Variants in CNTN5 observed in about 807,000 individuals in gnomAD.
CNTN5 encodes the protein contactin 5, also known as contactin-5.
Under a neutral mutation model 129.1 loss-of-function variants are expected in CNTN5, and 77 were observed. The observed-to-expected ratio is 0.60, with a 90% CI of 0.50 to 0.72. CNTN5 has a LOEUF of 0.72. Among genes scored for constraint, CNTN5 ranks in the 30% least tolerant of loss-of-function variants. The probability of loss-of-function intolerance (pLI) is 0.00; values close to 1 mark genes in which losing one functional copy is unlikely to be tolerated. For missense variants in CNTN5, 1,478 were observed against 1,328.8 expected (o/e 1.11, Z -1.75); for synonymous variants, 509 against 465.6 (o/e 1.09, Z -1.20).
At chr11:99,072,602 C>A in intron 1 of CNTN5, among the ~76,000 whole-genome samples, 1 of 152,124 alleles carries the variant, frequency 6.6e-6, no homozygotes, top group East Asian at 1.9e-4. Flanking sequence ...AATTTGAGTT[C>A]TTCCTCACCT....
At chr11:99,597,474 G>A (rs929038366) in intron 3 of CNTN5, among the ~76,000 whole-genome samples, 6 of 151,192 alleles carry the variant, frequency 4.0e-5, no homozygotes, top group African/African-American at 1.5e-4. Flanking sequence ...GTAGTGAGGG[G>A]AGCTTGGAAG....
intron 3 of CNTN5, among the ~76,000 whole-genome samples, chr11:99,641,408 AATC>A (rs1297422319): frequency 2.1e-5 from 2 of 93,434 alleles, no homozygotes; most frequent in Non-Finnish European, 5.4e-5. Context: ...AATTGGTTCC[AATC>A]CTCCTCCCGG....
At chr11:100,006,262 G>A (rs1222664439) in intron 9 of CNTN5, among the ~76,000 whole-genome samples, 1 of 152,066 alleles carries the variant, frequency 6.6e-6, no homozygotes, top group Non-Finnish European at 1.5e-5. Context: ...TGATAAGGGT[G>A]GTGGCTGCTA....
chr11:99,114,140 G>A (rs1013187676), intron 1 of CNTN5, among the ~76,000 whole-genome samples: 1 of 152,106 alleles, frequency 6.6e-6, no homozygotes, highest in African/African-American at 2.4e-5. Flanking sequence ...GAATTACATA[G>A]AGTATCTTCA....
rs1291988868 is a variant in CNTN5 at position 99,186,722 on chromosome 11, G to C, written c.-209-138624G>C. On this transcript the variant is annotated intron_variant, in intron 1 of 24. Coordinates refer to ENST00000524871, the MANE Select transcript of CNTN5 (RefSeq NM_014361.4). ...GGACAGATTCTTTTCTTAGAAAAGTGACCACTTTCTCAATCTGTAAAATAA... is the reference window on the plus strand; with the variant it reads ...GGACAGATTCTTTTCTTAGAAAAGTCACCACTTTCTCAATCTGTAAAATAA... Among the ~76,000 whole-genome samples, 5 of 151,906 alleles carry C rather than the reference G, an allele frequency of 3.3e-5. No individual in the cohort carries two copies. In the East Asian group the frequency reaches 9.6e-4, roughly 29 times the overall value.
At chr11:100,171,329 TG>T (rs1947819344) in intron 13 of CNTN5, among the ~76,000 whole-genome samples, 1 of 152,020 alleles carries the variant, frequency 6.6e-6, no homozygotes, top group East Asian at 1.9e-4. Context: ...GAGCACTTAA[TG>T]TACCCCTAGT....
intron 13 of CNTN5, among the ~76,000 whole-genome samples, chr11:100,115,201 G>A (rs1049816297): frequency 5.3e-5 from 8 of 150,806 alleles, no homozygotes; most frequent in African/African-American, 9.7e-5. Context: ...GAGAATTTCA[G>A]TCTAGAGATT....
intron 8 of CNTN5, among the ~76,000 whole-genome samples, chr11:99,990,986 A>G (rs1939048592): frequency 6.6e-6 from 1 of 152,194 alleles, no homozygotes; most frequent in Non-Finnish European, 1.5e-5. Context: ...TCACTTAACT[A>G]TGCATCACAG....
chr11:99,489,104 C>T (rs1179741736), intron 2 of CNTN5, among the ~76,000 whole-genome samples: 3 of 151,650 alleles, frequency 2.0e-5, no homozygotes, highest in Non-Finnish European at 4.4e-5. Context: ...TCTCTTTATC[C>T]TTTATTGCAT....
At chr11:99,271,350 T>C (rs1392642273) in intron 1 of CNTN5, among the ~76,000 whole-genome samples, 1 of 151,896 alleles carries the variant, frequency 6.6e-6, no homozygotes, top group Non-Finnish European at 1.5e-5. Flanking sequence ...TCCTGGAAAC[T>C]GTTAGTTCTA....
chr11:99,142,258 A>G (rs1051739242), intron 1 of CNTN5, among the ~76,000 whole-genome samples: 8 of 151,790 alleles, frequency 5.3e-5, no homozygotes, highest in African/African-American at 1.9e-4. Context: ...GCACATCATC[A>G]GGGTTGTGGC....
chr11:99,881,201 T>G (rs972827890), intron 6 of CNTN5, among the ~76,000 whole-genome samples: 4 of 152,316 alleles, frequency 2.6e-5, no homozygotes, highest in Middle Eastern at 6.8e-3. Context: ...GAACAAGAGC[T>G]GCTGGAGGAC....
At chr11:99,271,697 C>T (rs1863178756) in intron 1 of CNTN5, among the ~76,000 whole-genome samples, 1 of 151,770 alleles carries the variant, frequency 6.6e-6, no homozygotes, top group Non-Finnish European at 1.5e-5. Context: ...AATTCACTTC[C>T]AAGAGAACTC....
At chr11:99,889,729 G>A (rs1409314291) in intron 6 of CNTN5, among the ~76,000 whole-genome samples, 1 of 151,808 alleles carries the variant, frequency 6.6e-6, no homozygotes, top group Non-Finnish European at 1.5e-5. Flanking sequence ...AATAGATACT[G>A]GGTTTCACCA....
In CNTN5 at chr11:99,693,819, G is replaced by T. The variant is rs1217217146; in HGVS notation, c.56-125725G>T. On this transcript the variant is annotated intron_variant, in intron 3 of 24. Transcript: ENST00000524871. ...ATGAAAGTTCAGCTTAACTCAACAA[G>T]TATTCATTGAATCAGGTTCCAAAGG... 2.0e-5 allele frequency among the ~76,000 whole-genome samples: 3 copies of T among 152,206 alleles called. No homozygotes were observed. In the South Asian group the frequency reaches 6.2e-4, roughly 32 times the overall value.
At chr11:100,070,905 T>A (rs1410194581) in intron 11 of CNTN5, among the ~76,000 whole-genome samples, 4 of 152,114 alleles carry the variant, frequency 2.6e-5, no homozygotes, top group Non-Finnish European at 4.4e-5. Context: ...TATCATAGAT[T>A]TATTTCCATT....
Position 99,438,136 on chromosome 11 carries a change from C to T in CNTN5, c.-71+112652C>T, listed in dbSNP as rs567986397. On this transcript the variant is annotated intron_variant, in intron 2 of 24. Coordinates refer to ENST00000524871, the MANE Select transcript of CNTN5 (RefSeq NM_014361.4). ...CTTAATAATAAAATAATGAATTATT[C>T]TAGATTCCCTTAAGATGTACTTCAA... Among the ~76,000 whole-genome samples, 8 of 152,236 alleles carry T rather than the reference C, an allele frequency of 5.3e-5. No individual in the cohort carries two copies. The East Asian group carries it at 1.5e-3, about 29-fold the overall frequency.
chr11:99,691,837 G>C (rs1954051840), intron 3 of CNTN5, among the ~76,000 whole-genome samples: 1 of 152,010 alleles, frequency 6.6e-6, no homozygotes, highest in South Asian at 2.1e-4. Flanking sequence ...TCTGATATTG[G>C]CAGTGGTGTG....
chr11:99,485,159 C>T (rs1010593457), intron 2 of CNTN5, among the ~76,000 whole-genome samples: 2 of 151,852 alleles, frequency 1.3e-5, no homozygotes, highest in African/African-American at 2.4e-5. Flanking sequence ...ATTTCAACAT[C>T]GCCATTGACC....
Sources: gnomAD v4.1 joint callset for allele counts (sites outside exome capture counted in the v4.1 genomes callset) on GRCh38, gnomAD v4.1.1 for gene constraint, MANE v1.5 for transcripts, NCBI Gene and HGNC (gene_info 2026-07-23, HGNC 2026-07-21) for gene names.